Variants in ENTPD6 observed in about 807,000 individuals in gnomAD.
ENTPD6 encodes ectonucleoside triphosphate diphosphohydrolase 6.
A neutral mutation model predicts 61.5 loss-of-function variants in ENTPD6; 46 were observed. The ratio of observed to expected loss-of-function variants is 0.75; its 90% CI spans 0.59 to 0.96. The LOEUF is 0.96. Among genes scored for constraint, ENTPD6 ranks in the 40% least tolerant of loss-of-function variants. The pLI is 0.00. For synonymous variants in ENTPD6, 252 were observed against 255.5 expected, an observed-to-expected ratio of 0.99 and a Z score of 0.13; for missense variants, 612 against 629.0, an observed-to-expected ratio of 0.97 and a Z score of 0.29.
intron 10 of ENTPD6, among the ~76,000 whole-genome samples, chr20:25,220,736 C>T (rs188861166): frequency 2.0e-5 from 3 of 152,242 alleles, no homozygotes; most frequent in African/African-American, 7.2e-5. Context: ...GGGACAGCAG[C>T]CTGCCATCCT....
intron 1 of ENTPD6, among the ~76,000 whole-genome samples, chr20:25,197,936 C>G (rs12480022): frequency 8.5e-5 from 13 of 152,164 alleles, no homozygotes; most frequent in African/African-American, 1.7e-4. Flanking sequence ...TGTGCTCCAC[C>G]ACACACTGAC....
At chr20:25,199,171 T>A (rs1486341885) in intron 1 of ENTPD6, among the ~76,000 whole-genome samples, 1 of 152,140 alleles carries the variant, frequency 6.6e-6, no homozygotes, top group Non-Finnish European at 1.5e-5. Context: ...GTAGGCGTCA[T>A]CTAACCAGAG....
chr20:25,206,762 C>T (rs1277020293), intron 2 of ENTPD6, among the ~76,000 whole-genome samples, 172 bp downstream of exon 2: 3 of 152,184 alleles, frequency 2.0e-5, no homozygotes, highest in South Asian at 4.1e-4. Flanking sequence ...TTACATAAAT[C>T]GCCATGTGTC....
intron 10 of ENTPD6, 69 bp from the exon 11 acceptor site, chr20:25,221,163 C>G: frequency 7.7e-7 from 1 of 1,300,606 alleles, no homozygotes; most frequent in Non-Finnish European, 1.1e-6. Flanking sequence ...CTCCGCGACT[C>G]CTAGCTCAGC....
At chr20:25,218,974 C>T (rs1261036468) in intron 10 of ENTPD6, among the ~76,000 whole-genome samples, 1 of 152,250 alleles carries the variant, frequency 6.6e-6, no homozygotes, top group African/African-American at 2.4e-5. Flanking sequence ...CTCTGCCTGC[C>T]GGGTTCCAGC....
At chr20:25,200,828 C>G (rs2090971934) in intron 1 of ENTPD6, among the ~76,000 whole-genome samples, 1 of 147,750 alleles carries the variant, frequency 6.8e-6, no homozygotes, top group African/African-American at 2.7e-5. Flanking sequence ...CTTTTTTCCT[C>G]CTCCTTTTTT....
chr20:25,209,818 T>C (rs371406615), intron 3 of ENTPD6, 31 bp from the exon 4 acceptor site: 8 of 1,578,970 alleles, frequency 5.1e-6, no homozygotes, highest in Non-Finnish European at 7.0e-6. Context: ...GTATTCATAG[T>C]TGTACCCTTT....
chr20:25,214,730 A>G (rs761587781), intron 5 of ENTPD6, 137 bp from the exon 6 acceptor site: 99 of 640,876 alleles, frequency 1.5e-4, no homozygotes, highest in Middle Eastern at 4.1e-4. Flanking sequence ...TTTACAACTA[A>G]TTGATCACAA....
At chr20:25,206,996 C>G in intron 2 of ENTPD6, 80 bp from the exon 3 acceptor site, 1 of 1,311,166 alleles carries the variant, frequency 7.6e-7, no homozygotes, top group Non-Finnish European at 1.1e-6. Flanking sequence ...ACATTTTGTC[C>G]CTGGGCCTGG....
chr20:25,196,125 C>G, intron 1 of ENTPD6: 2 of 1,203,738 alleles, frequency 1.7e-6, no homozygotes, highest in African/African-American at 1.6e-5. Context: ...CCCCAGGGGG[C>G]CCCAGCCCTG....
intron 5 of ENTPD6, among the ~76,000 whole-genome samples, chr20:25,214,168 A>G (rs2092167471): frequency 6.6e-6 from 1 of 152,182 alleles, no homozygotes; most frequent in East Asian, 1.9e-4. Flanking sequence ...GCTGCCCAGC[A>G]TTCCGCAGTG....
At chr20:25,195,892 C>T in intron 1 of ENTPD6, 25 bp downstream of exon 1, 1 of 1,230,610 alleles carries the variant, frequency 8.1e-7, no homozygotes, top group East Asian at 3.2e-5. Context: ...GGGGCGCTGG[C>T]GGGGGCGGCC....
chr20:25,213,448 G>A (rs571345378), intron 5 of ENTPD6, 42 bp downstream of exon 5: 3 of 1,550,682 alleles, frequency 1.9e-6, no homozygotes, highest in African/African-American at 1.4e-5. Context: ...CAGCCCTCAG[G>A]GGCAACTGAT....
chr20:25,225,628 T>C lies in ENTPD6; in HGVS notation c.*31T>C. 1.3e-6 allele frequency: 2 copies of C among 1,559,564 alleles called. No individual in the cohort carries two copies. The highest frequency in any genetic ancestry group is 1.8e-6 in the Non-Finnish European group (2 of 1,133,320). ...GAGCCATCCCTGTCCCCGTCAGCAG[T>C]GTCTGTGTGTCTGCATAAACCCTCC... is the stretch of plus-strand genomic sequence containing the variant. On this transcript the variant is annotated 3_prime_UTR_variant, in exon 15 of 15. Coordinates refer to ENST00000376652, the MANE Select transcript of ENTPD6 (RefSeq NM_001247.5).
intron 10 of ENTPD6, among the ~76,000 whole-genome samples, chr20:25,219,687 G>A (rs893613861): frequency 2.0e-5 from 3 of 152,158 alleles, no homozygotes; most frequent in African/African-American, 7.2e-5. Context: ...TGTATGAGGC[G>A]CTCACCAGCA....
intron 11 of ENTPD6, chr20:25,221,700 C>T: frequency 2.8e-6 from 1 of 355,960 alleles, no homozygotes; most frequent in Non-Finnish European, 5.5e-6. Context: ...GAGGGAGGGT[C>T]TGCTTCCACC....
intron 10 of ENTPD6, 119 bp downstream of exon 10, chr20:25,218,733 C>A: frequency 9.8e-7 from 1 of 1,020,472 alleles, no homozygotes; most frequent in Non-Finnish European, 1.4e-6. Context: ...CCCTCTGCCC[C>A]TCCCACCCCA....
intron 8 of ENTPD6, among the ~76,000 whole-genome samples, chr20:25,216,975 G>A (rs962814406): frequency 1.3e-5 from 2 of 152,202 alleles, no homozygotes; most frequent in Non-Finnish European, 2.9e-5. Flanking sequence ...GGTCTTTAGA[G>A]GGGTGATAAA....
At chr20:25,213,493 C>A in intron 5 of ENTPD6, 87 bp downstream of exon 5, 1 of 1,394,170 alleles carries the variant, frequency 7.2e-7, no homozygotes, top group Non-Finnish European at 9.7e-7. Context: ...CAGTGCCGCA[C>A]CATCAGGCAG....
Sources: gnomAD v4.1 joint callset for allele counts (sites outside exome capture counted in the v4.1 genomes callset) on GRCh38, gnomAD v4.1.1 for gene constraint, MANE v1.5 for transcripts, NCBI Gene and HGNC (gene_info 2026-07-23, HGNC 2026-07-21) for gene names.